Variants in SBK1 observed in about 807,000 individuals in gnomAD.
SBK1 encodes SH3 domain binding kinase 1.
SBK1 carries 11 observed loss-of-function variants against 24.4 expected under a neutral mutation model. That is an observed-to-expected ratio of 0.45 (90% CI 0.28 to 0.75). The LOEUF (loss-of-function observed/expected upper bound fraction) is 0.75. Among genes scored for constraint, SBK1 ranks in the 30% least tolerant of loss-of-function variants. The probability of loss-of-function intolerance (pLI) is 0.12; values close to 1 mark genes in which losing one functional copy is unlikely to be tolerated. For missense variants in SBK1, 467 were observed against 620.5 expected (o/e 0.75, Z 2.63); for synonymous variants, 308 against 284.4 (o/e 1.08, Z -0.83).
At chr16:28,288,990 T>C (rs545997962), upstream of SBK1, among the ~76,000 whole-genome samples, 95 of 152,292 alleles carry the variant, frequency 6.2e-4, no homozygotes, top group African/African-American at 2.2e-3. Context: ...AACTGCACTA[T>C]GGGTAATCAA....
intron 1 of SBK1, among the ~76,000 whole-genome samples, chr16:28,313,278 G>C (rs2044766705): frequency 6.6e-6 from 1 of 151,946 alleles, no homozygotes; most frequent in Non-Finnish European, 1.5e-5. Context: ...CTGGGCAACA[G>C]AGCGAGACCC....
chr16:28,295,857 C>T (rs376643910), intron 1 of SBK1, among the ~76,000 whole-genome samples: 4 of 151,666 alleles, frequency 2.6e-5, no homozygotes, highest in African/African-American at 9.7e-5. Flanking sequence ...GGCAGCCGTT[C>T]GCTCCCTTAG....
intron 1 of SBK1, among the ~76,000 whole-genome samples, chr16:28,280,310 T>C (rs2044525788): frequency 7.2e-6 from 1 of 139,726 alleles, no homozygotes; most frequent in African/African-American, 2.6e-5. Context: ...CATATATGTA[T>C]ATAATATATA....
At chr16:28,315,877 T>A (rs2044791637) in intron 1 of SBK1, among the ~76,000 whole-genome samples, 1 of 152,136 alleles carries the variant, frequency 6.6e-6, no homozygotes. Context: ...GAAGTTCTCC[T>A]ACCTCAGCCT....
rs1474735888 is a variant in SBK1 at position 28,319,481 on chromosome 16, T to C, written c.429+284T>C. On this transcript the variant is annotated intron_variant, in intron 3 of 3. Transcript: ENST00000341901. The surrounding 1 kb of genome is among the most constrained non-coding windows in gnomAD (Gnocchi z 4.0). The stretch of plus-strand genomic sequence containing the variant: ...AAGTCACTGGGCCCTCCCCTGGGGC[T>C]ACACAAGAGGAGAGGTGTCAGATCC... 2.6e-5 allele frequency among the ~76,000 whole-genome samples: 4 copies of C among 152,094 alleles called. No homozygotes were observed. The highest frequency in any genetic ancestry group is 5.9e-5 in the Non-Finnish European group (4 of 68,014).
rs542964861 is a variant in SBK1 at position 28,259,352 on chromosome 16, C to T, written c.107C>T (p.Ala36Val). The T allele has an allele frequency of 1.8e-5, 11 of 597,072 alleles. No homozygotes were observed. The highest frequency in any genetic ancestry group is 7.4e-5 in the South Asian group (1 of 13,472). The allele number at this position is 597,072 out of a possible 1,614,324, so 37.0% of individuals were successfully genotyped here. The change falls in exon 1 of 4, where the codon GCG becomes GTG. Residue 36 changes from alanine to valine, a missense_variant. Ala to Val is a moderately conservative substitution (Grantham distance 64). Coordinates refer to the SBK1 transcript ENST00000671413. The surrounding 1 kb of genome is among the most constrained non-coding windows in gnomAD (Gnocchi z 6.0). ...CCTGCCCAGGCTGGCGATGATGCTG[C>T]GGAGGCCACCCCTGGCCACCCCTGC...
chr16:28,279,019 A>G (rs1297254759), intron 1 of SBK1, among the ~76,000 whole-genome samples: 1 of 152,114 alleles, frequency 6.6e-6, no homozygotes, highest in Non-Finnish European at 1.5e-5. Context: ...TGAGGTCAGG[A>G]GTTCAAGACT....
At chr16:28,298,280 C>T (rs1374908274) in intron 1 of SBK1, among the ~76,000 whole-genome samples, 7 of 152,334 alleles carry the variant, frequency 4.6e-5, no homozygotes, top group East Asian at 1.9e-4. Context: ...TGGGAAACCA[C>T]GTAATGTCAG....
At chr16:28,278,002 G>C (rs1388993475) in intron 1 of SBK1, among the ~76,000 whole-genome samples, 2 of 152,284 alleles carry the variant, frequency 1.3e-5, no homozygotes, top group African/African-American at 4.8e-5. Context: ...GCCTCAGCCA[G>C]GTTACACAAA....
At chr16:28,314,672 A>G (rs1370947082) in intron 1 of SBK1, among the ~76,000 whole-genome samples, 1 of 152,086 alleles carries the variant, frequency 6.6e-6, no homozygotes, top group Non-Finnish European at 1.5e-5. Flanking sequence ...CACTGGAGTG[A>G]CATGTCTGGG....
intron 1 of SBK1, among the ~76,000 whole-genome samples, chr16:28,284,147 C>G (rs562439149): frequency 1.3e-5 from 2 of 152,384 alleles, no homozygotes; most frequent in East Asian, 3.9e-4. Flanking sequence ...ACCGACCCAC[C>G]ACTCCACTAC....
chr16:28,261,348 C>A (rs1363987280), intron 1 of SBK1, among the ~76,000 whole-genome samples: 1 of 151,714 alleles, frequency 6.6e-6, no homozygotes, highest in African/African-American at 2.4e-5. Context: ...TAACCCCAGA[C>A]CTTTGGGAGG....
At chr16:28,268,794 G>C (rs1222802611) in intron 1 of SBK1, among the ~76,000 whole-genome samples, 1 of 151,948 alleles carries the variant, frequency 6.6e-6, no homozygotes, top group African/African-American at 2.4e-5. Context: ...AAAAGAGCTA[G>C]GCAGCCACTT....
At position 28,307,186 on chromosome 16, in the gene SBK1, C is replaced by T. The variant is rs1482830800; in HGVS notation, c.-7-10199C>T. Reference sequence around the variant, plus strand: ...GGGGAGGAGAGTGATGATAAATAGCCGACACTCAGGGAACCCCTGTCATGT... The same window carrying T: ...GGGGAGGAGAGTGATGATAAATAGCTGACACTCAGGGAACCCCTGTCATGT... On this transcript the variant is annotated intron_variant, in intron 1 of 3. Coordinates refer to ENST00000341901, the MANE Select transcript of SBK1 (RefSeq NM_001024401.3). 3.9e-5 allele frequency among the ~76,000 whole-genome samples: 6 copies of T among 152,068 alleles called. No individual in the cohort carries two copies. In the South Asian group the frequency reaches 6.2e-4, roughly 16 times the overall value.
chr16:28,303,293 G>C (rs1383849504), intron 1 of SBK1, among the ~76,000 whole-genome samples: 1 of 152,048 alleles, frequency 6.6e-6, no homozygotes, highest in Non-Finnish European at 1.5e-5. Context: ...TTGGAGGCAG[G>C]GACCAGTTAG....
At chr16:28,311,011 G>A (rs932322211) in intron 1 of SBK1, among the ~76,000 whole-genome samples, 1 of 152,226 alleles carries the variant, frequency 6.6e-6, no homozygotes, top group Non-Finnish European at 1.5e-5. Context: ...GGCAGGGATG[G>A]GTGCGTGGAT....
chr16:28,259,690 C>G lies in SBK1; in HGVS notation c.257+188C>G, dbSNP rs990728757. On this transcript the variant is annotated intron_variant, in intron 1 of 3. Transcript: ENST00000671413. The surrounding 1 kb of genome is among the most constrained non-coding windows in gnomAD (Gnocchi z 6.0). ...TGTTGCCACAGCCTCCTTCCTATCT[C>G]CCCCACCCTAGCCCCAGAGTGGCTT... 6.6e-6 allele frequency among the ~76,000 whole-genome samples: 1 copy of G among 152,164 alleles called. No individual in the cohort carries two copies. Among genetic ancestry groups the G allele is most frequent in the Non-Finnish European group, 1.5e-5 (1 of 68,030 alleles).
At chr16:28,318,561 G>C (rs1442232077) in intron 2 of SBK1, among the ~76,000 whole-genome samples, 1 of 152,246 alleles carries the variant, frequency 6.6e-6, no homozygotes, top group African/African-American at 2.4e-5. Context: ...ACCCAGCTAT[G>C]TACCAGATGG....
intron 2 of SBK1, among the ~76,000 whole-genome samples, chr16:28,318,606 A>G (rs2044815271): frequency 1.3e-5 from 2 of 152,244 alleles, no homozygotes; most frequent in Non-Finnish European, 2.9e-5. Flanking sequence ...AGTTGTGGAC[A>G]CATGCCTTGC....
Sources: allele counts gnomAD v4.1 joint callset (sites outside exome capture counted in the v4.1 genomes callset), GRCh38; gene constraint gnomAD v4.1.1; non-coding constraint Gnocchi (gnomAD v3.1); transcripts MANE v1.5; gene names NCBI Gene and HGNC (gene_info 2026-07-23, HGNC 2026-07-21).